PPP2R5E: variants seen among roughly 807,000 people sequenced by gnomAD.
The protein encoded by PPP2R5E is serine/threonine-protein phosphatase 2A 56 kDa regulatory subunit epsilon isoform.
A neutral mutation model predicts 65.3 loss-of-function variants in PPP2R5E; 4 were observed. That is an observed-to-expected ratio of 0.06 (90% CI 0.03 to 0.14). The LOEUF (loss-of-function observed/expected upper bound fraction) is 0.14. PPP2R5E is among the 10% of genes least tolerant of loss of function. The pLI is 1.00. For synonymous variants in PPP2R5E, 183 were observed against 187.4 expected (o/e 0.98, Z 0.19); for missense variants, 274 against 556.1 (o/e 0.49, Z 5.10).
chr14:63,482,761 TCAGA>T (rs1209209206), intron 2 of PPP2R5E, among the ~76,000 whole-genome samples: 1 of 152,190 alleles, frequency 6.6e-6, no homozygotes, highest in African/African-American at 2.4e-5. Context: ...CAAGGCATAG[TCAGA>T]CAGCCCCTAG....
intron 8 of PPP2R5E, 102 bp from the exon 9 acceptor site, chr14:63,392,127 T>C (rs1484220130): frequency 7.9e-6 from 6 of 760,250 alleles, no homozygotes; most frequent in Non-Finnish European, 1.2e-5. Flanking sequence ...AGACTGCTTT[T>C]AATAACTTCA....
chr14:63,394,754 TGTAGAA>T (rs1467718662), intron 7 of PPP2R5E, among the ~76,000 whole-genome samples: 1 of 152,218 alleles, frequency 6.6e-6, no homozygotes, highest in Non-Finnish European at 1.5e-5. Flanking sequence ...CTCCCTTGTG[TGTAGAA>T]ACTTACACCA....
At chr14:63,503,131 G>A (rs1174588403) in intron 2 of PPP2R5E, among the ~76,000 whole-genome samples, 4 of 152,036 alleles carry the variant, frequency 2.6e-5, no homozygotes, top group African/African-American at 7.3e-5. Context: ...TACTATAAGA[G>A]CCAAACAGGG....
chr14:63,377,169 A>T (rs1025341218), intron 13 of PPP2R5E, among the ~76,000 whole-genome samples: 1 of 152,086 alleles, frequency 6.6e-6, no homozygotes, highest in Non-Finnish European at 1.5e-5. Context: ...TAAAAAAAAA[A>T]AAATGCTGAT....
chr14:63,525,884 G>A (rs1317501869), intron 2 of PPP2R5E, among the ~76,000 whole-genome samples: 1 of 152,072 alleles, frequency 6.6e-6, no homozygotes, highest in African/African-American at 2.4e-5. Flanking sequence ...TTGAGATGGA[G>A]TTTTGCTCTG....
At chr14:63,437,537 AAC>A (rs574241151) in intron 3 of PPP2R5E, among the ~76,000 whole-genome samples, 153 of 152,306 alleles carry the variant, frequency 1.0e-3, no homozygotes, top group African/African-American at 3.4e-3. Flanking sequence ...TTAATTTTCC[AAC>A]AGTTTCTCTA....
chr14:63,420,592 G>A lies in PPP2R5E; in HGVS notation c.456+1401C>T, dbSNP rs550004758. On this transcript the variant is annotated intron_variant, in intron 4 of 13. Coordinates refer to ENST00000337537, the MANE Select transcript of PPP2R5E (RefSeq NM_006246.5). ...AACAGAGCCCCCAAAAGCTCTCTAC[G>A]TAACAACGGGAAATAGCACACGTGT... Among the ~76,000 whole-genome samples, 4 of 152,264 alleles carry A rather than the reference G, an allele frequency of 2.6e-5. No homozygotes were observed. The South Asian group carries it at 6.2e-4, about 24-fold the overall frequency.
chr14:63,443,716 A>G (rs1411013410), intron 3 of PPP2R5E, among the ~76,000 whole-genome samples: 1 of 151,524 alleles, frequency 6.6e-6, no homozygotes, highest in Non-Finnish European at 1.5e-5. Context: ...TCGAAAACCA[A>G]CTCCTCAGCT....
intron 5 of PPP2R5E, among the ~76,000 whole-genome samples, chr14:63,402,458 A>G (rs1400281608): frequency 2.6e-5 from 4 of 152,364 alleles, no homozygotes; most frequent in Middle Eastern, 3.4e-3. Flanking sequence ...AAAGACCACA[A>G]CAAACAATTA....
chr14:63,426,119 G>C (rs1047762006), intron 3 of PPP2R5E, among the ~76,000 whole-genome samples: 1 of 152,172 alleles, frequency 6.6e-6, no homozygotes, highest in African/African-American at 2.4e-5. Flanking sequence ...ACCACAATGG[G>C]AAAGAATGGC....
chr14:63,523,908 AT>A (rs1893077421), intron 2 of PPP2R5E, among the ~76,000 whole-genome samples: 1 of 152,190 alleles, frequency 6.6e-6, no homozygotes, highest in Non-Finnish European at 1.5e-5. Context: ...AACAGCTGTG[AT>A]TCCTACACTG....
chr14:63,530,579 TCTATC>T (rs1316402892), intron 2 of PPP2R5E, among the ~76,000 whole-genome samples: 2 of 151,574 alleles, frequency 1.3e-5, no homozygotes, highest in East Asian at 3.9e-4. Context: ...AATGCAAGCT[TCTATC>T]CTACTTTTAA....
intron 2 of PPP2R5E, among the ~76,000 whole-genome samples, chr14:63,473,888 G>T (rs1246005965): frequency 1.3e-5 from 2 of 152,182 alleles, no homozygotes; most frequent in East Asian, 3.8e-4. Context: ...ATAGTGAAAG[G>T]TAAAGAGAAG....
At chr14:63,531,167 C>T (rs1034936679) in intron 2 of PPP2R5E, among the ~76,000 whole-genome samples, 5 of 151,940 alleles carry the variant, frequency 3.3e-5, no homozygotes, top group Non-Finnish European at 7.4e-5. Flanking sequence ...AAACTCCCAT[C>T]ACAAAAAAAG....
chr14:63,522,786 G>T (rs1053489956), intron 2 of PPP2R5E, among the ~76,000 whole-genome samples: 8 of 150,482 alleles, frequency 5.3e-5, no homozygotes, highest in Non-Finnish European at 1.0e-4. Context: ...GTCACCGCCC[G>T]GCAGCCACCC....
At chr14:63,405,832 T>A (rs1430326660) in intron 5 of PPP2R5E, among the ~76,000 whole-genome samples, 1 of 152,184 alleles carries the variant, frequency 6.6e-6, no homozygotes, top group Non-Finnish European at 1.5e-5. Context: ...CCTAGGCAAG[T>A]CTACATAGTC....
intron 2 of PPP2R5E, chr14:63,508,198 C>A (rs1317846584): frequency 1.0e-6 from 1 of 985,504 alleles, no homozygotes; most frequent in African/African-American, 1.7e-5. Flanking sequence ...TCCTCGCACA[C>A]CTCACACACC....
intron 13 of PPP2R5E, among the ~76,000 whole-genome samples, chr14:63,376,990 G>A (rs1248397274): frequency 1.3e-5 from 2 of 151,818 alleles, no homozygotes; most frequent in Admixed American, 1.3e-4. Context: ...AAAATTAGCC[G>A]GGCATGGTGG....
intron 11 of PPP2R5E, 106 bp downstream of exon 11, chr14:63,389,506 G>A: frequency 7.8e-7 from 1 of 1,283,036 alleles, no homozygotes; most frequent in Non-Finnish European, 1.0e-6. Context: ...TGAGGGGATA[G>A]CAAATAAACA....
Sources: gnomAD v4.1 joint callset for allele counts (sites outside exome capture counted in the v4.1 genomes callset) on GRCh38, gnomAD v4.1.1 for gene constraint, MANE v1.5 for transcripts, NCBI Gene and HGNC (gene_info 2026-07-23, HGNC 2026-07-21) for gene names.